Variants in PIEZO2 observed in about 807,000 individuals in gnomAD.
The protein encoded by PIEZO2 is piezo-type mechanosensitive ion channel component 2.
In PIEZO2, 172 loss-of-function variants were observed where a neutral mutation model predicts 337.3. The ratio of observed to expected loss-of-function variants is 0.51; its 90% CI spans 0.45 to 0.58. The LOEUF (loss-of-function observed/expected upper bound fraction) is 0.58. Ranked by LOEUF, PIEZO2 falls within the 20% of genes least tolerant of loss-of-function variation. The probability of loss-of-function intolerance (pLI) is 0.00; values close to 1 mark genes in which losing one functional copy is unlikely to be tolerated. For missense variants in PIEZO2, 3,028 were observed against 3,391.3 expected, an observed-to-expected ratio of 0.89 and a Z score of 2.66; for synonymous variants, 1,251 against 1,228.5, an observed-to-expected ratio of 1.02 and a Z score of -0.38.
In PIEZO2 at chr18:11,100,581, C is replaced by G. The variant is rs370977914; in HGVS notation, c.65-34359G>C. Reference sequence around the variant, plus strand: ...TGCTCCATTTGATTCATTTCAGGGTCATGCTCACCACATTTTCACTTCTTT... The same window carrying G: ...TGCTCCATTTGATTCATTTCAGGGTGATGCTCACCACATTTTCACTTCTTT... On this transcript the variant is annotated intron_variant, in intron 1 of 55. Transcript: ENST00000674853. 9.2e-5 allele frequency among the ~76,000 whole-genome samples: 14 copies of G among 152,216 alleles called. No individual in the cohort carries two copies. In the East Asian group the frequency reaches 9.7e-4, roughly 11 times the overall value.
intron 29 of PIEZO2, among the ~76,000 whole-genome samples, chr18:10,749,649 C>T (rs1457144463): frequency 3.3e-5 from 5 of 152,088 alleles, no homozygotes; most frequent in East Asian, 1.9e-4. Flanking sequence ...TCTAGAAATC[C>T]TCATGCTCCT....
rs2034317911 is a variant in PIEZO2, at chr18:10,682,645, G to A, written c.7498-353C>T. Among the ~76,000 whole-genome samples the A allele has an allele frequency of 6.6e-6, 1 of 152,086 alleles. No homozygotes were observed. The highest frequency in any genetic ancestry group is 1.5e-5 in the Non-Finnish European group (1 of 68,014). On this transcript the variant is annotated intron_variant, in intron 49 of 55. Coordinates refer to ENST00000674853, the MANE Select transcript of PIEZO2 (RefSeq NM_001378183.1). The surrounding 1 kb of genome is among the most constrained non-coding windows in gnomAD (Gnocchi z 5.6). ...GCCGAATGAACCTTCTGGTTTTAAG[G>A]GATTATGTGAGAGAAAGATACTTTA...
At position 10,773,634 on chromosome 18, in the gene PIEZO2, T is replaced by C; in HGVS notation, c.2568-5A>G. 1 of 1,537,174 alleles carries C rather than the reference T, an allele frequency of 6.5e-7. No individual in the cohort carries two copies. Among genetic ancestry groups the C allele is most frequent in the African/African-American group, 1.4e-5 (1 of 73,138 alleles). ...CTTCCTTCCGGGTGGGCCAGTCTGTTGGCAGAGAGCAGCTGAGTCAGAAGA... is the reference window on the plus strand; with the variant it reads ...CTTCCTTCCGGGTGGGCCAGTCTGTCGGCAGAGAGCAGCTGAGTCAGAAGA... On this transcript the variant is annotated splice_region_variant and splice_polypyrimidine_tract_variant and intron_variant, in intron 19 of 55. Transcript: ENST00000674853. This position sits in a 1 kb window ranked among gnomAD's most constrained non-coding sequence, Gnocchi z 5.3.
rs1051327066 is a variant in PIEZO2, at chr18:11,104,627, G to A, written c.65-38405C>T. Reference sequence around the variant, plus strand: ...TCTCTTCTCCCCGTGTCACAAGGTGGGCAGTGCCCAGGGACAGCAGCTTTC... The same window carrying A: ...TCTCTTCTCCCCGTGTCACAAGGTGAGCAGTGCCCAGGGACAGCAGCTTTC... On this transcript the variant is annotated intron_variant, in intron 1 of 55. Transcript: ENST00000674853. This position sits in a 1 kb window ranked among gnomAD's most constrained non-coding sequence, Gnocchi z 4.6. 1.3e-5 allele frequency among the ~76,000 whole-genome samples: 2 copies of A among 152,226 alleles called. No individual in the cohort carries two copies. Among genetic ancestry groups the A allele is most frequent in the African/African-American group, 2.4e-5 (1 of 41,466 alleles).
rs2035629066 is a variant in PIEZO2 at position 11,003,818 on chromosome 18, T to C, written c.161-24158A>G. ...AGAACAAGCAAACTCCACATGGGGG[T>C]GGACCTGGAAACAAAGTGATTTTTT... is the stretch of plus-strand genomic sequence containing the variant. On this transcript the variant is annotated intron_variant, in intron 2 of 55. Coordinates refer to ENST00000674853, the MANE Select transcript of PIEZO2 (RefSeq NM_001378183.1). This position sits in a 1 kb window ranked among gnomAD's most constrained non-coding sequence, Gnocchi z 4.6. Among the ~76,000 whole-genome samples, 1 of 152,074 alleles carries C rather than the reference T, an allele frequency of 6.6e-6. No individual in the cohort carries two copies. Among genetic ancestry groups the C allele is most frequent in the South Asian group, 2.1e-4 (1 of 4,808 alleles).
intron 2 of PIEZO2, among the ~76,000 whole-genome samples, chr18:10,981,705 G>T (rs2034672606): frequency 6.6e-6 from 1 of 152,174 alleles, no homozygotes; most frequent in African/African-American, 2.4e-5. Flanking sequence ...ACTGGGAGAG[G>T]CAGACCAACC....
chr18:10,855,675 G>T lies in PIEZO2; in HGVS notation c.704-109C>A, dbSNP rs1598588717. The T allele has an allele frequency of 6.7e-6, 6 of 897,824 alleles. No individual in the cohort carries two copies. The highest frequency in any genetic ancestry group is 5.4e-5 in the East Asian group (2 of 37,186). The allele number at this position is 897,824 out of a possible 1,614,324, so 55.6% of individuals were successfully genotyped here. A position where few individuals can be genotyped will look rare whatever the true frequency, so the allele number is the denominator to read the frequency against. On this transcript the variant is annotated intron_variant, in intron 6 of 55. Transcript: ENST00000674853. This position sits in a 1 kb window ranked among gnomAD's most constrained non-coding sequence, Gnocchi z 4.9. ...GTGAATTTCCTTCAAGTGTTTTTAG[G>T]TTTTTTAAAATAGTAATTTTTAAAA...
rs67441841 is a variant in PIEZO2 at position 11,093,576 on chromosome 18, C to CTTT, written c.65-27357_65-27355dup. On this transcript the variant is annotated intron_variant, in intron 1 of 55. Transcript: ENST00000674853. ...GACATCCAGTCCATTCACTCAACATCTTTTTTTTTTTTTTTTTTTTTTTTT... is the reference window on the plus strand; with the variant it reads ...GACATCCAGTCCATTCACTCAACATCTTTTTTTTTTTTTTTTTTTTTTTTTTTT... 2.9e-3 allele frequency among the ~76,000 whole-genome samples: 163 copies of CTTT among 56,660 alleles called. 7 individuals carry two copies. Among genetic ancestry groups the CTTT allele is most frequent in the African/African-American group, 4.0e-3 (61 of 15,234 alleles). 37.2% of individuals were successfully genotyped at this position (56,660 alleles called of 152,430 possible). A position where few individuals can be genotyped will look rare whatever the true frequency, so the allele number is the denominator to read the frequency against.
At chr18:10,769,621 T>G (rs1283276413) in intron 21 of PIEZO2, 2 of 152,352 alleles carry the variant, frequency 1.3e-5, no homozygotes, top group East Asian at 3.8e-4. Context: ...TTCTCTGCAG[T>G]GAACATTAAA....
intron 7 of PIEZO2, among the ~76,000 whole-genome samples, chr18:10,843,943 A>T (rs2041271082): frequency 6.6e-6 from 1 of 152,206 alleles, no homozygotes; most frequent in African/African-American, 2.4e-5. Flanking sequence ...CTGGTTTACC[A>T]CGAAGTTGTT....
chr18:10,919,577 G>A (rs1279919785), intron 3 of PIEZO2, among the ~76,000 whole-genome samples: 1 of 151,964 alleles, frequency 6.6e-6, no homozygotes, highest in Non-Finnish European at 1.5e-5. Context: ...TAGAGACTAG[G>A]GCAGGTCTGT....
At chr18:10,711,765 G>A (rs1422850145) in intron 39 of PIEZO2, among the ~76,000 whole-genome samples, 2 of 152,332 alleles carry the variant, frequency 1.3e-5, no homozygotes, top group East Asian at 1.9e-4. Flanking sequence ...ACGCATGTAC[G>A]TGATCGTATT....
At chr18:10,977,496 T>C (rs1439700173) in intron 3 of PIEZO2, among the ~76,000 whole-genome samples, 2 of 152,134 alleles carry the variant, frequency 1.3e-5, no homozygotes, top group Non-Finnish European at 1.5e-5. Context: ...TGATTTTTGG[T>C]TAATAAGCAC....
chr18:10,794,990 T>A lies in PIEZO2; in HGVS notation c.1540A>T (p.Thr514Ser). The A allele has an allele frequency of 6.5e-7, 1 of 1,547,976 alleles. No individual in the cohort carries two copies. Among genetic ancestry groups the A allele is most frequent in the Non-Finnish European group, 8.7e-7 (1 of 1,146,984 alleles). The change falls in exon 13 of 56, where the codon ACC becomes TCC. Residue 514 changes from threonine to serine, a missense_variant. Coordinates refer to ENST00000674853, the MANE Select transcript of PIEZO2 (RefSeq NM_001378183.1). This position sits in a 1 kb window ranked among gnomAD's most constrained non-coding sequence, Gnocchi z 6.6. Reference protein sequence around the residue: ...ALIAMMAWSITYHSWLTFVLL... With the variant: ...ALIAMMAWSISYHSWLTFVLL... The stretch of plus-strand genomic sequence containing the variant: ...ACGAAGGTCAGCCAGCTGTGATAGG[T>A]GATGCTCCAGGCCTCCGGAGGACAG...
chr18:11,007,148 A>G (rs910963677), intron 2 of PIEZO2, among the ~76,000 whole-genome samples: 1 of 152,162 alleles, frequency 6.6e-6, no homozygotes, highest in African/African-American at 2.4e-5. Flanking sequence ...GTATTTTTGT[A>G]CCAGGGCTTC....
intron 1 of PIEZO2, among the ~76,000 whole-genome samples, chr18:11,107,876 T>C (rs1047541278): frequency 2.0e-5 from 3 of 152,212 alleles, no homozygotes; most frequent in African/African-American, 7.2e-5. Context: ...CCAGAGCACA[T>C]ATTTGCTGCT....
intron 44 of PIEZO2, among the ~76,000 whole-genome samples, chr18:10,698,169 A>G (rs1360919193): frequency 6.6e-6 from 1 of 152,244 alleles, no homozygotes; most frequent in African/African-American, 2.4e-5. Context: ...ACTAGGATGC[A>G]GGTGTTCCAG....
At position 10,847,037 on chromosome 18, in the gene PIEZO2, GA is replaced by G. The variant is rs1309297816; in HGVS notation, c.917+8315del. Among the ~76,000 whole-genome samples, 1 of 152,150 alleles carries G rather than the reference GA, an allele frequency of 6.6e-6. No individual in the cohort carries two copies. The highest frequency in any genetic ancestry group is 2.4e-5 in the African/African-American group (1 of 41,430). ...TCTTCACCCCTATTTTATAAATAAG[GA>G]AACAGAGGTACAGAGAGTTTTAGTA... On this transcript the variant is annotated intron_variant, in intron 7 of 55. Transcript: ENST00000674853. The surrounding 1 kb of genome is among the most constrained non-coding windows in gnomAD (Gnocchi z 5.7).
intron 5 of PIEZO2, among the ~76,000 whole-genome samples, chr18:10,864,831 C>T (rs997871096): frequency 5.9e-5 from 9 of 152,048 alleles, no homozygotes; most frequent in Admixed American, 2.0e-4. Context: ...AACTGAAGAG[C>T]GAATCCCGGA....
Sources: gnomAD v4.1 joint callset for allele counts (sites outside exome capture counted in the v4.1 genomes callset) on GRCh38, gnomAD v4.1.1 for gene constraint, Gnocchi (gnomAD v3.1) non-coding constraint, MANE v1.5 for transcripts, NCBI Gene and HGNC (gene_info 2026-07-23, HGNC 2026-07-21) for gene names.